PLCB1: variants seen among roughly 807,000 people sequenced by gnomAD.
PLCB1 encodes the protein phospholipase C beta 1.
A neutral mutation model predicts 161.8 loss-of-function variants in PLCB1; 46 were observed. The ratio of observed to expected loss-of-function variants is 0.28; its 90% CI spans 0.22 to 0.36. The LOEUF (loss-of-function observed/expected upper bound fraction) is 0.36. Among genes scored for constraint, PLCB1 ranks in the 10% least tolerant of loss-of-function variants. The pLI is 1.00. For missense variants in PLCB1, 1,016 were observed against 1,472.5 expected (o/e 0.69, Z 5.07); for synonymous variants, 517 against 503.7 (o/e 1.03, Z -0.35).
chr20:8,874,588 G>A (rs1277755210), intron 31 of PLCB1, among the ~76,000 whole-genome samples: 1 of 151,898 alleles, frequency 6.6e-6, no homozygotes, highest in Non-Finnish European at 1.5e-5. Flanking sequence ...TTTAGGAAAC[G>A]TATGCTTCAG....
intron 2 of PLCB1, among the ~76,000 whole-genome samples, chr20:8,326,745 A>G (rs1321045231): frequency 1.3e-5 from 2 of 152,192 alleles, no homozygotes; most frequent in Non-Finnish European, 2.9e-5. Context: ...TTTTACTTCT[A>G]TGACCCTCCA....
intron 2 of PLCB1, among the ~76,000 whole-genome samples, chr20:8,256,527 C>T (rs1251356993): frequency 2.0e-5 from 3 of 152,114 alleles, no homozygotes; most frequent in African/African-American, 7.2e-5. Flanking sequence ...AGTACAGTGT[C>T]ACTTTGACCA....
chr20:8,282,811 A>AT (rs73616194), intron 2 of PLCB1, among the ~76,000 whole-genome samples: 14,628 of 152,002 alleles, frequency 0.096, 724 homozygotes, highest in South Asian at 0.15. Flanking sequence ...TTTTAATACT[A>AT]TTTTTTCTCA....
chr20:8,716,094 T>G, intron 12 of PLCB1, 170 bp from the exon 13 acceptor site: 1 of 614,890 alleles, frequency 1.6e-6, no homozygotes. Flanking sequence ...TCTGTGTATG[T>G]TATTCAAATT....
chr20:8,626,755 A>G (rs1238988160), intron 3 of PLCB1, among the ~76,000 whole-genome samples: 1 of 152,226 alleles, frequency 6.6e-6, no homozygotes, highest in East Asian at 1.9e-4. Context: ...TGTACCAAAA[A>G]GAACCCCACA....
intron 31 of PLCB1, among the ~76,000 whole-genome samples, chr20:8,809,668 T>C (rs1984716043): frequency 6.6e-6 from 1 of 152,140 alleles, no homozygotes. Flanking sequence ...CAGCTTTCCA[T>C]GGTTGAAACA....
At chr20:8,226,505 C>T (rs1979691481) in intron 2 of PLCB1, among the ~76,000 whole-genome samples, 1 of 152,136 alleles carries the variant, frequency 6.6e-6, no homozygotes. Context: ...CTCATATCTT[C>T]TGCATTTCCC....
At chr20:8,656,429 C>T (rs1485887259) in intron 7 of PLCB1, among the ~76,000 whole-genome samples, 1 of 151,962 alleles carries the variant, frequency 6.6e-6, no homozygotes, top group African/African-American at 2.4e-5. Context: ...TAAAAATAAT[C>T]ACATTAACAC....
intron 2 of PLCB1, among the ~76,000 whole-genome samples, chr20:8,313,655 A>G (rs568169270): frequency 4.3e-4 from 65 of 152,298 alleles, no homozygotes; most frequent in African/African-American, 1.5e-3. Flanking sequence ...CATGAAACTC[A>G]CTAGCTAGAA....
chr20:8,342,804 T>C (rs894426300), intron 2 of PLCB1, among the ~76,000 whole-genome samples: 1 of 152,206 alleles, frequency 6.6e-6, no homozygotes, highest in Non-Finnish European at 1.5e-5. Context: ...CTAATGACTT[T>C]ACATATAAAA....
chr20:8,459,026 A>T (rs1282992816), intron 3 of PLCB1, among the ~76,000 whole-genome samples: 2 of 152,202 alleles, frequency 1.3e-5, no homozygotes, highest in Non-Finnish European at 2.9e-5. Flanking sequence ...CCATTAGACA[A>T]TTTAAAAGCT....
At chr20:8,237,545 A>G (rs780637667) in intron 2 of PLCB1, among the ~76,000 whole-genome samples, 49 of 152,244 alleles carry the variant, frequency 3.2e-4, no homozygotes, top group Admixed American at 1.6e-3. Flanking sequence ...TACTTTTATA[A>G]CATCATGATA....
chr20:8,176,953 A>G (rs1022723154), intron 2 of PLCB1, among the ~76,000 whole-genome samples: 5 of 152,182 alleles, frequency 3.3e-5, no homozygotes, highest in Admixed American at 1.3e-4. Context: ...GTTTTTCATA[A>G]TATATTATCA....
intron 2 of PLCB1, among the ~76,000 whole-genome samples, chr20:8,251,585 A>G (rs1354602097): frequency 1.3e-5 from 2 of 151,934 alleles, no homozygotes; most frequent in African/African-American, 4.8e-5. Context: ...GCATGGTTGG[A>G]TGAGGGTCAG....
intron 2 of PLCB1, among the ~76,000 whole-genome samples, chr20:8,279,935 G>C (rs1184065284): frequency 6.6e-6 from 1 of 152,114 alleles, no homozygotes; most frequent in African/African-American, 2.4e-5. Flanking sequence ...GCGTCTTTGG[G>C]GTGCTGGCAG....
chr20:8,311,312 G>T (rs899544353), intron 2 of PLCB1, among the ~76,000 whole-genome samples: 5 of 152,176 alleles, frequency 3.3e-5, no homozygotes, highest in African/African-American at 9.7e-5. Context: ...ATGATTTGTG[G>T]CAGTTCAATT....
intron 31 of PLCB1, among the ~76,000 whole-genome samples, chr20:8,793,747 T>G (rs112081951): frequency 3.3e-5 from 5 of 152,164 alleles, no homozygotes; most frequent in Non-Finnish European, 5.9e-5. Flanking sequence ...TTGGGCACCA[T>G]TGTCATTGAT....
At chr20:8,171,856 A>C (rs2051735905) in intron 2 of PLCB1, among the ~76,000 whole-genome samples, 1 of 152,220 alleles carries the variant, frequency 6.6e-6, no homozygotes, top group African/African-American at 2.4e-5. Context: ...AGTCCATGCA[A>C]GCCAGATAAA....
intron 31 of PLCB1, among the ~76,000 whole-genome samples, chr20:8,844,469 A>C (rs947631231): frequency 6.6e-6 from 1 of 152,072 alleles, no homozygotes; most frequent in African/African-American, 2.4e-5. Context: ...TGTAATCCTA[A>C]TGCTTTGGGA....
Sources: gnomAD v4.1 joint callset for allele counts (sites outside exome capture counted in the v4.1 genomes callset) on GRCh38, gnomAD v4.1.1 for gene constraint, MANE v1.5 for transcripts, NCBI Gene and HGNC (gene_info 2026-07-23, HGNC 2026-07-21) for gene names.